The following RPS6KC1 variants were observed in gnomAD, a reference collection of about 807,000 sequenced individuals.
RPS6KC1 encodes ribosomal protein S6 kinase C1.
In RPS6KC1, 54 loss-of-function variants were observed where a neutral mutation model predicts 103.8. The ratio of observed to expected loss-of-function variants is 0.52; its 90% CI spans 0.42 to 0.65. The LOEUF (loss-of-function observed/expected upper bound fraction) is 0.65. RPS6KC1 is among the 30% of genes least tolerant of loss of function. The pLI, the probability that RPS6KC1 is intolerant of heterozygous loss-of-function variation, is 0.00. For missense variants in RPS6KC1, 1,151 were observed against 1,253.8 expected, an observed-to-expected ratio of 0.92 and a Z score of 1.24; for synonymous variants, 439 against 438.7, an observed-to-expected ratio of 1.00 and a Z score of -0.01.
intron 8 of RPS6KC1, chr1:213,205,536 T>TTTTATATATATATATATATATATATATA (rs1553378412): frequency 1.2e-5 from 1 of 82,292 alleles, no homozygotes; most frequent in Non-Finnish European, 2.5e-5. Flanking sequence ...ACAAACTCAT[T>TTTTATATATATATATATATATATATATA]TATATATATA....
chr1:213,430,900 A>G, the RPS6KC1 span, among the ~76,000 whole-genome samples: 1 of 152,274 alleles, frequency 6.6e-6, no homozygotes, highest in Admixed American at 6.5e-5. Flanking sequence ...TTCAAGAGGC[A>G]CAAATGGCAG....
At chr1:213,337,838 G>A in the RPS6KC1 span, among the ~76,000 whole-genome samples, 1 of 152,206 alleles carries the variant, frequency 6.6e-6, no homozygotes, top group East Asian at 1.9e-4. Context: ...GTATCATGCT[G>A]TAGGGGAAAG....
At chr1:213,298,895 C>T in the RPS6KC1 span, among the ~76,000 whole-genome samples, 3 of 152,176 alleles carry the variant, frequency 2.0e-5, no homozygotes, top group African/African-American at 4.8e-5. Context: ...CCCTTCATGG[C>T]TTACAATATC....
the RPS6KC1 span, among the ~76,000 whole-genome samples, chr1:213,360,592 G>A: frequency 0.014 from 2,114 of 152,348 alleles, 20 homozygotes; most frequent in South Asian, 0.032. Context: ...TTGTTCTGTT[G>A]ATGGTGAGGA....
At chr1:213,477,913 C>T in the RPS6KC1 span, among the ~76,000 whole-genome samples, 1 of 152,106 alleles carries the variant, frequency 6.6e-6, no homozygotes, top group East Asian at 1.9e-4. Context: ...CATTAGGGTT[C>T]ACTCTTGGTG....
At chr1:213,333,055 T>C in the RPS6KC1 span, among the ~76,000 whole-genome samples, 8 of 152,222 alleles carry the variant, frequency 5.3e-5, no homozygotes, top group Non-Finnish European at 7.3e-5. Flanking sequence ...GAAAATCTTA[T>C]TGTTTCCACC....
chr1:213,774,095 G>C, the RPS6KC1 span, among the ~76,000 whole-genome samples: 1 of 152,048 alleles, frequency 6.6e-6, no homozygotes, highest in Non-Finnish European at 1.5e-5. Context: ...AAACCTCTTG[G>C]GCTTCTAATC....
intron 6 of RPS6KC1, among the ~76,000 whole-genome samples, chr1:213,159,420 A>T (rs1405341688): frequency 6.6e-6 from 1 of 152,230 alleles, no homozygotes; most frequent in Non-Finnish European, 1.5e-5. Context: ...GTGGAGTTTT[A>T]TATTCAGATT....
At chr1:213,058,988 C>T (rs2077583144) in intron 1 of RPS6KC1, among the ~76,000 whole-genome samples, 1 of 152,142 alleles carries the variant, frequency 6.6e-6, no homozygotes, top group African/African-American at 2.4e-5. Context: ...TAGATTTATT[C>T]CCCACTATTT....
chr1:213,210,470 A>G lies in RPS6KC1; in HGVS notation c.1045-20027A>G, dbSNP rs1199189343. On this transcript the variant is annotated intron_variant, in intron 8 of 14. Coordinates refer to ENST00000366960, the MANE Select transcript of RPS6KC1 (RefSeq NM_012424.6). ...ATATTACAAACTGAAAACCGTCCAA[A>G]CATTCCTGCTTCTCCTGTTTCCACC... is the stretch of plus-strand genomic sequence containing the variant. 2.0e-5 allele frequency among the ~76,000 whole-genome samples: 3 copies of G among 152,232 alleles called. No homozygotes were observed. In the East Asian group the frequency reaches 5.8e-4, roughly 29 times the overall value.
the RPS6KC1 span, among the ~76,000 whole-genome samples, chr1:213,726,457 A>C: frequency 6.6e-6 from 1 of 152,362 alleles, no homozygotes; most frequent in South Asian, 2.1e-4. Context: ...TGTTATGACT[A>C]TGTTCCTTAA....
chr1:213,588,250 A>C, the RPS6KC1 span, among the ~76,000 whole-genome samples: 1 of 150,606 alleles, frequency 6.6e-6, no homozygotes, highest in South Asian at 2.1e-4. Context: ...AATCCCACTC[A>C]TGAGAGTAGA....
At chr1:213,081,765 CA>C (rs1385747755) in intron 3 of RPS6KC1, among the ~76,000 whole-genome samples, 2 of 150,686 alleles carry the variant, frequency 1.3e-5, no homozygotes, top group Admixed American at 6.7e-5. Context: ...TGGTGAGGAA[CA>C]GGGGCATCCA....
the RPS6KC1 span, among the ~76,000 whole-genome samples, chr1:213,598,881 A>G: frequency 6.6e-6 from 1 of 152,196 alleles, no homozygotes; most frequent in African/African-American, 2.4e-5. Context: ...AGATTGTGCC[A>G]CTGGACTCCA....
At chr1:213,783,815 CAAAAA>C in the RPS6KC1 span, among the ~76,000 whole-genome samples, 367 of 65,984 alleles carry the variant, frequency 5.6e-3, 3 homozygotes, top group South Asian at 0.029. Context: ...AAGATGTTGC[CAAAAA>C]AAAAAAAAAA....
At chr1:213,181,727 A>G (rs1414843991) in intron 8 of RPS6KC1, among the ~76,000 whole-genome samples, 3 of 152,210 alleles carry the variant, frequency 2.0e-5, no homozygotes, top group Admixed American at 1.3e-4. Flanking sequence ...CCAGAATTCT[A>G]TATCCTGTGA....
chr1:213,117,212 C>T (rs920961945), intron 4 of RPS6KC1, 105 bp from the exon 5 acceptor site: 3 of 631,732 alleles, frequency 4.7e-6, no homozygotes, highest in East Asian at 2.8e-5. Context: ...TTAGTATAGT[C>T]GTTTCTGTAC....
chr1:213,559,469 G>A, the RPS6KC1 span, among the ~76,000 whole-genome samples: 3 of 152,106 alleles, frequency 2.0e-5, no homozygotes, highest in East Asian at 1.9e-4. Flanking sequence ...AAATAAATTG[G>A]CAAATGAGCC....
At chr1:213,162,216 AT>A (rs2148094976) in intron 6 of RPS6KC1, among the ~76,000 whole-genome samples, 1 of 152,298 alleles carries the variant, frequency 6.6e-6, no homozygotes, top group African/African-American at 2.4e-5. Context: ...TGCTATCATT[AT>A]TATTTGGACA....
Sources: gnomAD v4.1 joint callset for allele counts (sites outside exome capture counted in the v4.1 genomes callset) on GRCh38, gnomAD v4.1.1 for gene constraint, MANE v1.5 for transcripts, NCBI Gene and HGNC (gene_info 2026-07-23, HGNC 2026-07-21) for gene names.